RPA3: variants seen among roughly 807,000 people sequenced by gnomAD.
RPA3 encodes replication protein A3.
Under a neutral mutation model 13.7 loss-of-function variants are expected in RPA3, and 24 were observed. The ratio of observed to expected loss-of-function variants is 1.75; its 90% CI spans 1.27 to 2.46. The LOEUF (loss-of-function observed/expected upper bound fraction) is 2.46, where lower values mean the gene tolerates loss of function less well. Ranked by LOEUF, RPA3 falls within the 30% of genes most tolerant of loss-of-function variation. RPA3 has a pLI of 0.00. For missense variants in RPA3, 183 were observed against 151.0 expected, an observed-to-expected ratio of 1.21 and a Z score of -1.11; for synonymous variants, 59 against 51.2, an observed-to-expected ratio of 1.15 and a Z score of -0.65.
chr7:7,698,609 C>G (rs1477334296), intron 2 of RPA3, among the ~76,000 whole-genome samples: 2 of 151,798 alleles, frequency 1.3e-5, no homozygotes, highest in African/African-American at 4.8e-5. Flanking sequence ...GCAGTTGATT[C>G]CACAGTTTTG....
At chr7:7,692,281 A>G (rs1780191108) in intron 2 of RPA3, 1 of 152,258 alleles carries the variant, frequency 6.6e-6, no homozygotes, top group African/African-American at 2.4e-5. Context: ...GGGCAGGAAT[A>G]GAGACAAAAA....
In RPA3 at chr7:7,659,405, G is replaced by T. The variant is rs181185279; in HGVS notation, c.-757-18230C>A. On this transcript the variant is annotated intron_variant, in intron 4 of 7. Coordinates refer to ENST00000223129, the MANE Select transcript of RPA3 (RefSeq NM_002947.5). ...CTTTTAATTATGACGTTAGGGTGTCGATTTTAGATCTTTCCCACTTTCTCT... is the reference window on the plus strand; with the variant it reads ...CTTTTAATTATGACGTTAGGGTGTCTATTTTAGATCTTTCCCACTTTCTCT... Among the ~76,000 whole-genome samples the T allele has an allele frequency of 1.4e-4, 22 of 152,080 alleles. No individual in the cohort carries two copies. The East Asian group carries it at 4.2e-3, about 29-fold the overall frequency.
rs1357052514 is a variant in RPA3 at position 7,637,958 on chromosome 7, G to C, written c.189C>G (p.Ile63Met). ...TTCCAACCACTTCCACAATTCCAGAGATTTCTTCATCAAGCTAAGACACAG... is the reference window on the plus strand; with the variant it reads ...TTCCAACCACTTCCACAATTCCAGACATTTCTTCATCAAGCTAAGACACAG... ...IELMEPLDEE[I>M]SGIVEVVGRV... Residue 63 changes from isoleucine to methionine, a missense_variant, in exon 7 of 8, where the codon ATC becomes ATG. Transcript: ENST00000223129. 2 of 1,613,238 alleles carry C rather than the reference G, an allele frequency of 1.2e-6. No homozygotes were observed. The highest frequency in any genetic ancestry group is 1.7e-6 in the Non-Finnish European group (2 of 1,179,422).
At chr7:7,697,611 C>T (rs566018600) in intron 2 of RPA3, among the ~76,000 whole-genome samples, 8 of 152,258 alleles carry the variant, frequency 5.3e-5, no homozygotes, top group African/African-American at 1.9e-4. Context: ...GGGCACCTAA[C>T]TTTAAAGATA....
At chr7:7,667,778 G>A (rs984610403) in intron 4 of RPA3, among the ~76,000 whole-genome samples, 6 of 152,178 alleles carry the variant, frequency 3.9e-5, no homozygotes, top group Admixed American at 3.3e-4. Context: ...GTCCAACACA[G>A]ACGTCCTAAG....
At position 7,668,656 on chromosome 7, in the gene RPA3, A is replaced by G. The variant is rs28915071; in HGVS notation, c.-758+17174T>C. On this transcript the variant is annotated intron_variant, in intron 4 of 7. Coordinates refer to ENST00000223129, the MANE Select transcript of RPA3 (RefSeq NM_002947.5). ...TGATATAAGCAAGAGTTCATTTCTT[A>G]TGGCATATTTCTGGTCCTAAAAACA... Among the ~76,000 whole-genome samples the G allele has an allele frequency of 5.7e-4, 87 of 152,350 alleles. 2 individuals carry two copies. The East Asian group carries it at 0.016, about 28-fold the overall frequency.
At chr7:7,677,523 T>A (rs1779772704) in intron 4 of RPA3, among the ~76,000 whole-genome samples, 1 of 152,154 alleles carries the variant, frequency 6.6e-6, no homozygotes. Context: ...TTTTTGTGCC[T>A]GCTTTATTTC....
At chr7:7,692,750 C>T (rs769997724) in intron 2 of RPA3, among the ~76,000 whole-genome samples, 1 of 152,104 alleles carries the variant, frequency 6.6e-6, no homozygotes, top group Non-Finnish European at 1.5e-5. Flanking sequence ...GTTGGGACTA[C>T]AGGCCTGCGC....
At chr7:7,666,155 T>C (rs1313830306) in intron 4 of RPA3, among the ~76,000 whole-genome samples, 3 of 151,936 alleles carry the variant, frequency 2.0e-5, no homozygotes, top group Non-Finnish European at 4.4e-5. Context: ...TCCATATCTT[T>C]GCCCTTTGCC....
intron 4 of RPA3, chr7:7,673,290 T>G: frequency 8.6e-7 from 1 of 1,166,440 alleles, no homozygotes; most frequent in Non-Finnish European, 1.2e-6. Context: ...TTTGACATTG[T>G]GTAATGTTTC....
intron 4 of RPA3, among the ~76,000 whole-genome samples, chr7:7,665,019 A>C (rs764432635): frequency 5.6e-5 from 8 of 141,910 alleles, no homozygotes; most frequent in African/African-American, 2.1e-4. Context: ...ATATATACAC[A>C]CACACACACA....
intron 4 of RPA3, among the ~76,000 whole-genome samples, chr7:7,652,578 C>A (rs1785248496): frequency 1.3e-5 from 2 of 152,156 alleles, no homozygotes; most frequent in Admixed American, 1.3e-4. Flanking sequence ...TGCCCATTGA[C>A]ATTGTGAGAG....
chr7:7,640,120 C>T, intron 5 of RPA3, 200 bp downstream of exon 5: 1 of 597,474 alleles, frequency 1.7e-6, no homozygotes, highest in Non-Finnish European at 3.0e-6. Flanking sequence ...CATTTGAAAA[C>T]ACTTTGTTTC....
chr7:7,692,744 GGAC>G (rs1387240804), intron 2 of RPA3, among the ~76,000 whole-genome samples: 1 of 152,034 alleles, frequency 6.6e-6, no homozygotes, highest in East Asian at 1.9e-4. Flanking sequence ...CGAGTAGTTG[GGAC>G]TACAGGCCTG....
At chr7:7,688,334 C>T (rs1780087266) in intron 2 of RPA3, among the ~76,000 whole-genome samples, 1 of 152,094 alleles carries the variant, frequency 6.6e-6, no homozygotes, top group South Asian at 2.1e-4. Flanking sequence ...GGTACCTTTA[C>T]TAGTTTGGCG....
chr7:7,665,953 TTCCA>T, intron 4 of RPA3, among the ~76,000 whole-genome samples: 1 of 152,322 alleles, frequency 6.6e-6, no homozygotes, highest in Admixed American at 6.5e-5. Context: ...TTTGGGTTGT[TTCCA>T]TTTTTTGGTT....
intron 2 of RPA3, among the ~76,000 whole-genome samples, chr7:7,696,728 T>G (rs981380283): frequency 2.0e-5 from 3 of 152,154 alleles, no homozygotes; most frequent in African/African-American, 7.2e-5. Context: ...CAAAGTCAGC[T>G]CTCAATAGTG....
chr7:7,712,705 A>G (rs1418498621), intron 2 of RPA3, among the ~76,000 whole-genome samples: 1 of 152,192 alleles, frequency 6.6e-6, no homozygotes, highest in Non-Finnish European at 1.5e-5. Context: ...GACCTCTAGT[A>G]TGTTGAAGAG....
chr7:7,689,905 C>G (rs945122094), intron 2 of RPA3, among the ~76,000 whole-genome samples: 1 of 152,118 alleles, frequency 6.6e-6, no homozygotes, highest in Non-Finnish European at 1.5e-5. Flanking sequence ...AATTGGTGAT[C>G]AGGAAACAAG....
Sources: allele counts gnomAD v4.1 joint callset (sites outside exome capture counted in the v4.1 genomes callset), GRCh38; gene constraint gnomAD v4.1.1; transcripts MANE v1.5; gene names NCBI Gene and HGNC (gene_info 2026-07-23, HGNC 2026-07-21).